PRELID2: variants seen among roughly 807,000 people sequenced by gnomAD.
PRELID2 encodes the protein PRELI domain-containing protein 2.
In PRELID2, 25 loss-of-function variants were observed where a neutral mutation model predicts 28.4. The observed-to-expected ratio is 0.88, with a 90% confidence interval of 0.64 to 1.23. PRELID2 has a LOEUF of 1.23. Among genes scored for constraint, PRELID2 ranks in the 50% most tolerant of loss-of-function variants. The pLI is 0.00. For missense variants in PRELID2, 201 were observed against 214.4 expected (o/e 0.94, Z 0.39); for synonymous variants, 76 against 71.6 (o/e 1.06, Z -0.31).
the PRELID2 span, among the ~76,000 whole-genome samples, chr5:145,452,678 C>G: frequency 6.6e-6 from 1 of 152,064 alleles, no homozygotes; most frequent in African/African-American, 2.4e-5. Context: ...GGTGCTATTT[C>G]CAGATTCTAG....
intron 1 of PRELID2, among the ~76,000 whole-genome samples, chr5:145,490,898 C>T (rs1460463366): frequency 6.6e-6 from 1 of 151,716 alleles, no homozygotes; most frequent in Non-Finnish European, 1.5e-5. Flanking sequence ...CAGTCCCCAC[C>T]CCCCCATCAA....
chr5:145,443,012 G>A, the PRELID2 span, among the ~76,000 whole-genome samples: 7 of 152,054 alleles, frequency 4.6e-5, no homozygotes, highest in South Asian at 2.1e-4. Context: ...CCATGTGTCC[G>A]TTTATAGGCT....
At chr5:145,471,485 G>T (rs530189478), downstream of PRELID2, among the ~76,000 whole-genome samples, 1 of 152,140 alleles carries the variant, frequency 6.6e-6, no homozygotes, top group East Asian at 1.9e-4. Flanking sequence ...CTGACTCCTT[G>T]TGGGTTCTAG....
At chr5:145,656,094 G>T (rs1020163990) in intron 1 of PRELID2, among the ~76,000 whole-genome samples, 4 of 152,056 alleles carry the variant, frequency 2.6e-5, no homozygotes, top group Non-Finnish European at 4.4e-5. Flanking sequence ...GGGCAAAGGA[G>T]ATGAACAGAC....
chr5:145,637,347 G>T (rs1445439220), intron 1 of PRELID2, among the ~76,000 whole-genome samples: 2 of 152,160 alleles, frequency 1.3e-5, no homozygotes, highest in Admixed American at 1.3e-4. Flanking sequence ...TTCGTCCAGT[G>T]CCCCATGCCT....
chr5:145,416,758 CCAAAGCTAG>C, the PRELID2 span, among the ~76,000 whole-genome samples: 1 of 151,694 alleles, frequency 6.6e-6, no homozygotes, highest in East Asian at 1.9e-4. Context: ...CAAACAAACC[CCAAAGCTAG>C]CAGAATACAA....
At chr5:145,399,286 G>A in the PRELID2 span, among the ~76,000 whole-genome samples, 6 of 152,222 alleles carry the variant, frequency 3.9e-5, no homozygotes, top group South Asian at 8.3e-4. Context: ...TGGAAATCCA[G>A]CATCAAAGCC....
chr5:145,826,426 G>A (rs1303550450), intron 1 of PRELID2, among the ~76,000 whole-genome samples: 3 of 152,160 alleles, frequency 2.0e-5, no homozygotes, highest in Non-Finnish European at 2.9e-5. Flanking sequence ...CCCACAGGCT[G>A]CATACATATG....
chr5:145,276,071 C>A, the PRELID2 span, among the ~76,000 whole-genome samples: 1 of 152,038 alleles, frequency 6.6e-6, no homozygotes, highest in Non-Finnish European at 1.5e-5. Context: ...GAAGAAGTTG[C>A]TTAAAGGTAA....
At chr5:145,416,314 C>T in the PRELID2 span, among the ~76,000 whole-genome samples, 1 of 151,958 alleles carries the variant, frequency 6.6e-6, no homozygotes, top group Non-Finnish European at 1.5e-5. Context: ...CATAAAAACC[C>T]TAGAAGAAAA....
the PRELID2 span, among the ~76,000 whole-genome samples, chr5:145,457,677 A>T: frequency 6.6e-6 from 1 of 152,288 alleles, no homozygotes; most frequent in South Asian, 2.1e-4. Context: ...GGACCAGAAG[A>T]GTGTCTCACT....
At chr5:145,668,682 T>C (rs1754645015) in intron 1 of PRELID2, among the ~76,000 whole-genome samples, 1 of 152,100 alleles carries the variant, frequency 6.6e-6, no homozygotes, top group Admixed American at 6.6e-5. Flanking sequence ...ATGGAACAAG[T>C]ATAACTATTA....
the PRELID2 span, among the ~76,000 whole-genome samples, chr5:145,257,255 A>G: frequency 2.7e-5 from 4 of 150,300 alleles, no homozygotes; most frequent in South Asian, 2.1e-4. Context: ...CAGTAACTAT[A>G]TAATACATTT....
intron 1 of PRELID2, among the ~76,000 whole-genome samples, chr5:145,501,772 G>T (rs1752361553): frequency 6.6e-6 from 1 of 152,086 alleles, no homozygotes; most frequent in South Asian, 2.1e-4. Flanking sequence ...TGTCACCTCT[G>T]TGACATTTTC....
At chr5:145,602,804 G>C (rs1191045107) in intron 1 of PRELID2, among the ~76,000 whole-genome samples, 5 of 151,974 alleles carry the variant, frequency 3.3e-5, no homozygotes, top group Admixed American at 6.6e-5. Flanking sequence ...TCAGAATCAA[G>C]CAGGAAGCAA....
intron 1 of PRELID2, among the ~76,000 whole-genome samples, chr5:145,824,063 C>T (rs2149875943): frequency 6.6e-6 from 1 of 152,216 alleles, no homozygotes; most frequent in South Asian, 2.1e-4. Flanking sequence ...ACCACCAAAT[C>T]ACCTAAGAGT....
intron 4 of PRELID2, among the ~76,000 whole-genome samples, chr5:145,806,539 A>C (rs1294989352): frequency 6.6e-6 from 1 of 152,224 alleles, no homozygotes; most frequent in Non-Finnish European, 1.5e-5. Flanking sequence ...TAACTTTTTA[A>C]AATATTTTAT....
chr5:145,333,074 G>C, the PRELID2 span, among the ~76,000 whole-genome samples: 1 of 152,204 alleles, frequency 6.6e-6, no homozygotes, highest in South Asian at 2.1e-4. Flanking sequence ...TCCAGACACT[G>C]TTTGCCTGGG....
At chr5:145,257,004 A>G in the PRELID2 span, among the ~76,000 whole-genome samples, 18 of 152,066 alleles carry the variant, frequency 1.2e-4, 1 homozygote, top group African/African-American at 4.1e-4. Context: ...CTTTGGCTGA[A>G]GGAAAATAAT....
Sources: allele counts gnomAD v4.1 joint callset (sites outside exome capture counted in the v4.1 genomes callset), GRCh38; gene constraint gnomAD v4.1.1; transcripts MANE v1.5; gene names NCBI Gene and HGNC (gene_info 2026-07-23, HGNC 2026-07-21).